EYS: variants seen among roughly 807,000 people sequenced by gnomAD.
EYS encodes the protein protein eyes shut homolog.
A neutral mutation model predicts 282.1 loss-of-function variants in EYS; 250 were observed. That is an observed-to-expected ratio of 0.89 (90% CI 0.80 to 0.98). The LOEUF is 0.98. Among genes scored for constraint, EYS ranks in the 50% least tolerant of loss-of-function variants. EYS has a pLI of 0.00. For synonymous variants in EYS, 1,355 were observed against 1,282.9 expected, an observed-to-expected ratio of 1.06 and a Z score of -1.20; for missense variants, 4,016 against 3,709.0, an observed-to-expected ratio of 1.08 and a Z score of -2.15.
At chr6:63,985,131 G>A (rs575571872) in intron 34 of EYS, among the ~76,000 whole-genome samples, 7 of 151,506 alleles carry the variant, frequency 4.6e-5, no homozygotes, top group South Asian at 4.1e-4. Flanking sequence ...CCAATAGGAC[G>A]TTTTGGACAT....
intron 15 of EYS, among the ~76,000 whole-genome samples, chr6:64,924,771 T>C (rs1358629260): frequency 1.3e-5 from 2 of 152,174 alleles, no homozygotes; most frequent in Non-Finnish European, 2.9e-5. Flanking sequence ...TCACCTTTTC[T>C]CCAGTTCCCA....
At chr6:63,846,141 A>C (rs1772091340) in intron 36 of EYS, among the ~76,000 whole-genome samples, 1 of 152,228 alleles carries the variant, frequency 6.6e-6, no homozygotes, top group Non-Finnish European at 1.5e-5. Flanking sequence ...TAAAGCTTAC[A>C]TAGACATCAA....
At chr6:64,021,933 C>T (rs989603978) in intron 33 of EYS, among the ~76,000 whole-genome samples, 47 of 152,162 alleles carry the variant, frequency 3.1e-4, no homozygotes, top group Admixed American at 2.6e-4. Flanking sequence ...TGATACAAAG[C>T]GTTTCCCCAT....
chr6:63,877,949 G>A (rs754258092), intron 35 of EYS, among the ~76,000 whole-genome samples: 3 of 152,134 alleles, frequency 2.0e-5, no homozygotes, highest in African/African-American at 7.2e-5. Flanking sequence ...TGTTATTACC[G>A]ATCATCTGAA....
intron 31 of EYS, among the ~76,000 whole-genome samples, chr6:64,098,447 A>G (rs1772709293): frequency 6.6e-6 from 1 of 152,164 alleles, no homozygotes; most frequent in African/African-American, 2.4e-5. Flanking sequence ...AAATTTTTAG[A>G]AAAAATAAAA....
intron 32 of EYS, among the ~76,000 whole-genome samples, chr6:64,074,833 T>C (rs896347624): frequency 6.6e-6 from 1 of 151,902 alleles, no homozygotes; most frequent in Non-Finnish European, 1.5e-5. Context: ...CTTACATAGA[T>C]ATACATTTCA....
At chr6:65,154,245 TAGGTAC>T (rs1458858738) in intron 12 of EYS, among the ~76,000 whole-genome samples, 1 of 151,474 alleles carries the variant, frequency 6.6e-6, no homozygotes, top group African/African-American at 2.4e-5. Flanking sequence ...AAAATTCACG[TAGGTAC>T]AGGTGAAAGG....
intron 33 of EYS, among the ~76,000 whole-genome samples, chr6:64,027,229 A>C (rs555912870): frequency 3.9e-4 from 60 of 152,320 alleles, no homozygotes; most frequent in African/African-American, 9.9e-4. Context: ...AGAAGGACTA[A>C]GGAGAATTAG....
At chr6:65,706,017 T>C (rs1182801303) in intron 1 of EYS, among the ~76,000 whole-genome samples, 1 of 151,812 alleles carries the variant, frequency 6.6e-6, no homozygotes. Context: ...AATATAAATA[T>C]AGTATGAAAA....
chr6:64,285,235 T>A (rs1306088253), intron 30 of EYS, among the ~76,000 whole-genome samples: 2 of 150,774 alleles, frequency 1.3e-5, no homozygotes, highest in Non-Finnish European at 2.9e-5. Context: ...TTGAATGCTT[T>A]ACCACTTAGA....
chr6:65,356,544 C>A lies in EYS; in HGVS notation c.1300-2927G>T, dbSNP rs140664878. 7.2e-5 allele frequency among the ~76,000 whole-genome samples: 11 copies of A among 152,108 alleles called. No homozygotes were observed. In the East Asian group the frequency reaches 2.1e-3, roughly 29 times the overall value. ...TTAACCTGAAGACCAAATTTGACTTCTGGCTTTTCTTAATGAAAAAAACAA... is the reference window on the plus strand; with the variant it reads ...TTAACCTGAAGACCAAATTTGACTTATGGCTTTTCTTAATGAAAAAAACAA... On this transcript the variant is annotated intron_variant, in intron 8 of 42. Transcript: ENST00000503581.
At chr6:64,705,080 T>C (rs923040514) in intron 22 of EYS, among the ~76,000 whole-genome samples, 2 of 152,094 alleles carry the variant, frequency 1.3e-5, no homozygotes, top group African/African-American at 4.8e-5. Context: ...TAGAATACCG[T>C]AAGGATGCCT....
intron 14 of EYS, among the ~76,000 whole-genome samples, chr6:64,991,727 C>T (rs990048516): frequency 1.3e-5 from 2 of 151,478 alleles, no homozygotes; most frequent in African/African-American, 4.8e-5. Context: ...AAGACAAAAA[C>T]ATTAAAACCG....
At chr6:64,395,497 T>C (rs1347716394) in intron 28 of EYS, among the ~76,000 whole-genome samples, 2 of 151,774 alleles carry the variant, frequency 1.3e-5, no homozygotes, top group African/African-American at 2.4e-5. Flanking sequence ...ATGGATGAAA[T>C]TGGAAATCAT....
intron 41 of EYS, among the ~76,000 whole-genome samples, chr6:63,734,537 A>T (rs1391141561): frequency 6.6e-6 from 1 of 152,144 alleles, no homozygotes; most frequent in Admixed American, 6.6e-5. Context: ...ACTGGTAAGA[A>T]GTGATGGTGG....
chr6:64,348,641 C>CA (rs1771505141), intron 29 of EYS, among the ~76,000 whole-genome samples: 1 of 151,432 alleles, frequency 6.6e-6, no homozygotes, highest in African/African-American at 2.4e-5. Context: ...TGATGCCTTG[C>CA]AAATGTTCTT....
At chr6:64,474,351 T>A (rs992617653) in intron 26 of EYS, among the ~76,000 whole-genome samples, 1 of 152,214 alleles carries the variant, frequency 6.6e-6, no homozygotes, top group Non-Finnish European at 1.5e-5. Context: ...TGGGGGGTTA[T>A]TTCCCTGTTC....
chr6:65,071,700 A>G lies in EYS; in HGVS notation c.2024-13973T>C, dbSNP rs187211627. Among the ~76,000 whole-genome samples the G allele has an allele frequency of 7.7e-3, 1,173 of 151,942 alleles. 30 individuals carry two copies. Among genetic ancestry groups the G allele is most frequent in the Non-Finnish European group, 8.4e-3 (573 of 67,812 alleles). ...ATGGCATCGTATGGGCCTGAAGACA[A>G]GATAATTCTTAAATAGATGTGAAGT... is the stretch of plus-strand genomic sequence containing the variant. On this transcript the variant is annotated intron_variant, in intron 12 of 42. Transcript: ENST00000503581.
chr6:64,591,309 CT>C lies in EYS; in HGVS notation c.4557del (p.Ala1520ProfsTer30), dbSNP rs768092887. 1.9e-6 allele frequency: 3 copies of C among 1,551,326 alleles called. No homozygotes were observed. The highest frequency in any genetic ancestry group is 2.6e-6 in the Non-Finnish European group (3 of 1,146,774). On this transcript the variant is annotated frameshift_variant, in exon 26 of 43. Transcript: ENST00000503581. LOFTEE classifies it high-confidence loss of function. ...NSSALHRFST[K>X]AFNPSEYQAI... ...GCCTGATATTCACTGGGATTGAAGG[CT>C]TTTGTACTGAACCGGTGCAGAGCTG...
Sources: gnomAD v4.1 joint callset for allele counts (sites outside exome capture counted in the v4.1 genomes callset) on GRCh38, gnomAD v4.1.1 for gene constraint, MANE v1.5 for transcripts, NCBI Gene and HGNC (gene_info 2026-07-23, HGNC 2026-07-21) for gene names.